UGT2A1: variants seen among roughly 807,000 people sequenced by gnomAD.
The protein encoded by UGT2A1 is UDP glucuronosyltransferase family 2 member A1 complex locus.
Under a neutral mutation model 45.4 loss-of-function variants are expected in UGT2A1, and 61 were observed. That is an observed-to-expected ratio of 1.34 (90% CI 1.09 to 1.66). The LOEUF (loss-of-function observed/expected upper bound fraction) is 1.66. Ranked by LOEUF, UGT2A1 falls within the 40% of genes most tolerant of loss-of-function variation. UGT2A1 has a pLI of 0.00. For synonymous variants in UGT2A1, 229 were observed against 196.2 expected, an observed-to-expected ratio of 1.17 and a Z score of -1.40; for missense variants, 649 against 574.3, an observed-to-expected ratio of 1.13 and a Z score of -1.33.
intron 6 of UGT2A1, among the ~76,000 whole-genome samples, chr4:69,592,075 T>C (rs531783899): frequency 3.3e-4 from 50 of 152,154 alleles, no homozygotes; most frequent in African/African-American, 1.2e-3. Context: ...AGTGTCTTTC[T>C]TTTTTGAAAT....
intron 3 of UGT2A1, among the ~76,000 whole-genome samples, chr4:69,623,539 T>C (rs982857305): frequency 1.3e-5 from 2 of 151,346 alleles, no homozygotes; most frequent in Non-Finnish European, 3.0e-5. Context: ...TATAAATATT[T>C]TTAAAATATA....
At chr4:69,635,582 CA>C (rs758739507) in intron 3 of UGT2A1, 108 bp downstream of exon 3, 4 of 168,282 alleles carry the variant, frequency 2.4e-5, no homozygotes, top group East Asian at 3.8e-4. Context: ...GTAATCCCAG[CA>C]ATTTGTGAGG....
At chr4:69,602,966 G>A (rs1331839167) in intron 3 of UGT2A1, among the ~76,000 whole-genome samples, 1 of 135,490 alleles carries the variant, frequency 7.4e-6, no homozygotes, top group Non-Finnish European at 1.6e-5. Context: ...TACTCTAGAG[G>A]CTGAGGCAGA....
chr4:69,593,967 C>CTTTTTTTTTTTTTTTTTTTTTTTTTTTT lies in UGT2A1; in HGVS notation c.1304+509_1304+510insAAAAAAAAAAAAAAAAAAAAAAAAAAAA, dbSNP rs200066453. On this transcript the variant is annotated intron_variant, in intron 6 of 6. Coordinates refer to ENST00000286604, the MANE Select transcript of UGT2A1 (RefSeq NM_001252275.3). ...AAAATATTGAAATAATATTTGAAGT[C>CTTTTTTTTTTTTTTTTTTTTTTTTTTTT]TTTTTTTTTGTTTGTTTTTTTTTTT... 1.9e-5 allele frequency among the ~76,000 whole-genome samples: 2 copies of CTTTTTTTTTTTTTTTTTTTTTTTTTTTT among 107,816 alleles called. 1 individual carries two copies. 70.7% of individuals were successfully genotyped at this position (107,816 alleles called of 152,430 possible). A position where few individuals can be genotyped will look rare whatever the true frequency, so the allele number is the denominator to read the frequency against.
At position 69,595,144 on chromosome 4, in the gene UGT2A1, C is replaced by A; in HGVS notation, c.1084+18G>T. ...TCTATTGTCCCACTGTACAGCTTTTCTTTCCCCACAGTCTTACCAAGAAGA... is the reference window on the plus strand; with the variant it reads ...TCTATTGTCCCACTGTACAGCTTTTATTTCCCCACAGTCTTACCAAGAAGA... On this transcript the variant is annotated intron_variant, in intron 5 of 6. Transcript: ENST00000286604. 6.2e-7 allele frequency: 1 copy of A among 1,613,684 alleles called. No individual in the cohort carries two copies. Among genetic ancestry groups the A allele is most frequent in the Non-Finnish European group, 8.5e-7 (1 of 1,179,746 alleles).
chr4:69,589,850 C>A (rs1168076115), intron 6 of UGT2A1, among the ~76,000 whole-genome samples, 199 bp from the exon 7 acceptor site: 1 of 152,068 alleles, frequency 6.6e-6, no homozygotes, highest in Non-Finnish European at 1.5e-5. Context: ...ATATGCTTAA[C>A]ACAGTATGAT....
In UGT2A1 at chr4:69,606,075, A is replaced by G. The variant is rs191973738; in HGVS notation, c.848-6681T>C. Among the ~76,000 whole-genome samples, 20 of 136,144 alleles carry G rather than the reference A, an allele frequency of 1.5e-4. 2 individuals carry two copies. The highest frequency in any genetic ancestry group is 1.7e-4 in the Non-Finnish European group (11 of 63,996). The allele number at this position is 136,144 out of a possible 152,430, so 89.3% of individuals were successfully genotyped here. A position where few individuals can be genotyped will look rare whatever the true frequency, so the allele number is the denominator to read the frequency against. On this transcript the variant is annotated intron_variant, in intron 3 of 6. Transcript: ENST00000286604. Reference sequence around the variant, plus strand: ...GGAATCCTCCTTAAATCATTTTATGAGTCCAGCATCATCCTGATATCAAAG... The same window carrying G: ...GGAATCCTCCTTAAATCATTTTATGGGTCCAGCATCATCCTGATATCAAAG...
intron 3 of UGT2A1, among the ~76,000 whole-genome samples, chr4:69,628,888 A>G (rs1282551903): frequency 6.6e-6 from 1 of 151,654 alleles, no homozygotes; most frequent in Admixed American, 6.6e-5. Flanking sequence ...AGCCACTATT[A>G]AGTTATAGTC....
chr4:69,599,703 G>A (rs917012765), intron 3 of UGT2A1: 2 of 206,826 alleles, frequency 9.7e-6, no homozygotes, highest in African/African-American at 2.3e-5. Context: ...GAAAGAGAGA[G>A]AGAGAGGAAG....
At chr4:69,607,266 G>C (rs79471843) in intron 3 of UGT2A1, among the ~76,000 whole-genome samples, 2 of 148,424 alleles carry the variant, frequency 1.3e-5, no homozygotes, top group African/African-American at 2.5e-5. Context: ...ATAATGCTGC[G>C]TATCTACAAC....
chr4:69,606,044 A>C (rs1182465558), intron 3 of UGT2A1, among the ~76,000 whole-genome samples: 3 of 137,126 alleles, frequency 2.2e-5, no homozygotes, highest in Non-Finnish European at 4.7e-5. Flanking sequence ...AGCAATAGAA[A>C]AAGAGGGAAT....
chr4:69,640,872 G>T (rs1264197597), intron 2 of UGT2A1, among the ~76,000 whole-genome samples: 1 of 151,812 alleles, frequency 6.6e-6, no homozygotes, highest in African/African-American at 2.4e-5. Context: ...AGCCAGAGAA[G>T]AGTGTAAATA....
In UGT2A1 at chr4:69,604,742, G is replaced by T. The variant is rs1455414410; in HGVS notation, c.848-5348C>A. Among the ~76,000 whole-genome samples the T allele has an allele frequency of 5.2e-5, 7 of 135,350 alleles. 3 individuals carry two copies. The highest frequency in any genetic ancestry group is 2.1e-4 in the African/African-American group (7 of 33,340). The allele number at this position is 135,350 out of a possible 152,430, so 88.8% of individuals were successfully genotyped here. A position where few individuals can be genotyped will look rare whatever the true frequency, so the allele number is the denominator to read the frequency against. On this transcript the variant is annotated intron_variant, in intron 3 of 6. Transcript: ENST00000286604. ...TGGAGGAAGATCTACCAAGCAAATG[G>T]AAAACAAAAAAAGGCAGGGGTTGCA...
rs916948164 is a variant in UGT2A1, at chr4:69,604,863, A to G, written c.848-5469T>C. ...TGGTAAAAGGATCAATTCAACAAGA[A>G]GAGCTAGCTGTCCTAAATATATATG... On this transcript the variant is annotated intron_variant, in intron 3 of 6. Coordinates refer to ENST00000286604, the MANE Select transcript of UGT2A1 (RefSeq NM_001252275.3). 3.0e-4 allele frequency among the ~76,000 whole-genome samples: 41 copies of G among 137,210 alleles called. 10 individuals are homozygous for G. Among genetic ancestry groups the G allele is most frequent in the African/African-American group, 1.2e-3 (41 of 33,950 alleles). 90.0% of individuals were successfully genotyped at this position (137,210 alleles called of 152,430 possible).
At chr4:69,636,838 T>A (rs1047028203) in intron 2 of UGT2A1, among the ~76,000 whole-genome samples, 2 of 152,134 alleles carry the variant, frequency 1.3e-5, no homozygotes, top group African/African-American at 4.8e-5. Flanking sequence ...TATAGTGAAA[T>A]TTTTAACCCT....
rs1443444799 is a variant in UGT2A1 at position 69,594,594 on chromosome 4, T to G, written c.1187A>C (p.Asp396Ala). The change falls in exon 6 of 7, where the codon GAT becomes GCT. Residue 396 changes from aspartate to alanine, a missense_variant. Asp to Ala is a moderately radical substitution (Grantham distance 126). Coordinates refer to ENST00000286604, the MANE Select transcript of UGT2A1 (RefSeq NM_001252275.3). ...VPMVGVPMFA[D>A]QPDNIAHMKA... ...CATGTGAGCAATGTTATCAGGCTGA[T>G]CAGCAAACATGGGAACTCCCACCAT... 7 of 1,614,034 alleles carry G rather than the reference T, an allele frequency of 4.3e-6. No homozygotes were observed. The highest frequency in any genetic ancestry group is 5.9e-6 in the Non-Finnish European group (7 of 1,180,040).
At chr4:69,618,604 T>A (rs1456274603) in intron 3 of UGT2A1, among the ~76,000 whole-genome samples, 3 of 152,002 alleles carry the variant, frequency 2.0e-5, no homozygotes. Flanking sequence ...TACACAAAGA[T>A]TGTATATTGA....
intron 3 of UGT2A1, among the ~76,000 whole-genome samples, chr4:69,625,596 T>C (rs897252195): frequency 1.3e-5 from 2 of 151,436 alleles, no homozygotes; most frequent in African/African-American, 4.8e-5. Context: ...TCTGGTAGTT[T>C]AATGTGGGCT....
chr4:69,616,243 G>A (rs1577972541), intron 3 of UGT2A1, among the ~76,000 whole-genome samples: 1 of 151,950 alleles, frequency 6.6e-6, no homozygotes. Flanking sequence ...GTCTTGGGGG[G>A]TGGGGAGGGT....
Sources: allele counts gnomAD v4.1 joint callset (sites outside exome capture counted in the v4.1 genomes callset), GRCh38; gene constraint gnomAD v4.1.1; transcripts MANE v1.5; gene names NCBI Gene and HGNC (gene_info 2026-07-23, HGNC 2026-07-21).